Variants in TTL observed in about 807,000 individuals in gnomAD.
TTL encodes the protein tubulin--tyrosine ligase.
In TTL, 10 loss-of-function variants were observed where a neutral mutation model predicts 41.1. That is an observed-to-expected ratio of 0.24 (90% CI 0.15 to 0.41). The LOEUF is 0.41. TTL is among the 10% of genes least tolerant of loss of function. TTL has a pLI of 1.00. For synonymous variants in TTL, 175 were observed against 175.5 expected (o/e 1.00, Z 0.02); for missense variants, 367 against 460.4 (o/e 0.80, Z 1.86).
intron 5 of TTL, 97 bp downstream of exon 5, chr2:112,503,278 T>A: frequency 8.7e-7 from 1 of 1,152,616 alleles, no homozygotes; most frequent in Non-Finnish European, 1.2e-6. Flanking sequence ...GTTGTCTAAT[T>A]TATGGTCAAA....
intron 2 of TTL, among the ~76,000 whole-genome samples, chr2:112,491,818 A>G (rs1681397307): frequency 6.6e-6 from 1 of 152,116 alleles, no homozygotes; most frequent in Admixed American, 6.5e-5. Context: ...ACCATAGCCT[A>G]TTGCAGTCAC....
At chr2:112,518,791 C>T (rs2104471865) in intron 5 of TTL, among the ~76,000 whole-genome samples, 1 of 151,850 alleles carries the variant, frequency 6.6e-6, no homozygotes, top group East Asian at 1.9e-4. Context: ...TCTCCTGCCT[C>T]AGCGTCTGGA....
At position 112,540,861 on chromosome 2, in the gene TTL, G is replaced by C. The variant is rs1307346339; in HGVS notation, c.*12066G>C. 1 of 152,164 alleles carries C rather than the reference G, an allele frequency of 6.6e-6. No individual in the cohort carries two copies. The highest frequency in any genetic ancestry group is 2.4e-5 in the African/African-American group (1 of 41,416). 9.4% of individuals were successfully genotyped at this position (152,164 alleles called of 1,614,324 possible). Reference sequence around the variant, plus strand: ...GAATGAGTCAAAGACTTAAATGTAAGAGTTGAAACTACAAAACTCTTAGTA... The same window carrying C: ...GAATGAGTCAAAGACTTAAATGTAACAGTTGAAACTACAAAACTCTTAGTA... On this transcript the variant is annotated 3_prime_UTR_variant, in exon 7 of 7. Coordinates refer to ENST00000233336, the MANE Select transcript of TTL (RefSeq NM_153712.5).
chr2:112,539,040 C>G lies in TTL; in HGVS notation c.*10245C>G, dbSNP rs1312754683. The G allele has an allele frequency of 3.3e-5, 5 of 150,232 alleles. No homozygotes were observed. Among genetic ancestry groups the G allele is most frequent in the South Asian group, 4.2e-4 (2 of 4,792 alleles). 9.3% of individuals were successfully genotyped at this position (150,232 alleles called of 1,614,324 possible). ...GCTGAAGCAGGGGAATCACTTGAAC[C>G]TGGAAGGCGGAGGTTGCAGTGAGCC... On this transcript the variant is annotated 3_prime_UTR_variant, in exon 7 of 7. Coordinates refer to ENST00000233336, the MANE Select transcript of TTL (RefSeq NM_153712.5).
chr2:112,501,329 A>G lies in TTL; in HGVS notation c.593A>G (p.Lys198Arg), dbSNP rs1681690089. The G allele has an allele frequency of 6.3e-7, 1 of 1,589,930 alleles. No homozygotes were observed. The highest frequency in any genetic ancestry group is 1.1e-5 in the South Asian group (1 of 89,710). The change falls in exon 4 of 7, where the codon AAG (lysine) becomes AGG (arginine). Residue 198 changes from lysine to arginine, a missense_variant. By Grantham distance (26) the Lys-to-Arg change is conservative. Coordinates refer to ENST00000233336, the MANE Select transcript of TTL (RefSeq NM_153712.5). ...CTGCTGCTTGAGCCAGGTCATCGCAAGTTTGACATCCGGTAATGCATTCAT... is the reference window on the plus strand; with the variant it reads ...CTGCTGCTTGAGCCAGGTCATCGCAGGTTTGACATCCGGTAATGCATTCAT... Reference protein sequence around the residue: ...HPLLLEPGHRKFDIRSWVLVD... With the variant: ...HPLLLEPGHRRFDIRSWVLVD...
Position 112,535,418 on chromosome 2 carries a change from TC to T in TTL, c.*6626del, listed in dbSNP as rs1682581110. Reference sequence around the variant, plus strand: ...TGGAAGAAATAGTGGCCAAAACCTTTCCCACTTTGAGGAAAAACATTAAAGT... The same window carrying T: ...TGGAAGAAATAGTGGCCAAAACCTTTCCACTTTGAGGAAAAACATTAAAGT... On this transcript the variant is annotated 3_prime_UTR_variant, in exon 7 of 7. Transcript: ENST00000233336. 1.3e-5 allele frequency: 2 copies of T among 152,078 alleles called. No individual in the cohort carries two copies. Among genetic ancestry groups the T allele is most frequent in the Admixed American group, 1.3e-4 (2 of 15,264 alleles). The allele number at this position is 152,078 out of a possible 1,614,324, so 9.4% of individuals were successfully genotyped here. A position where few individuals can be genotyped will look rare whatever the true frequency, so the allele number is the denominator to read the frequency against.
At chr2:112,491,370 T>C (rs1336204419) in intron 2 of TTL, among the ~76,000 whole-genome samples, 1 of 152,178 alleles carries the variant, frequency 6.6e-6, no homozygotes, top group Non-Finnish European at 1.5e-5. Context: ...ACACCCAAAG[T>C]ATTAATTGGA....
chr2:112,528,202 C>T (rs1356493456), intron 6 of TTL, among the ~76,000 whole-genome samples: 1 of 152,180 alleles, frequency 6.6e-6, no homozygotes, highest in East Asian at 1.9e-4. Context: ...TGATAGGCTT[C>T]CCTTTGTGGG....
chr2:112,534,988 G>T lies in TTL; in HGVS notation c.*6193G>T. 1 of 149,452 alleles carries T rather than the reference G, an allele frequency of 6.7e-6. No homozygotes were observed. Among genetic ancestry groups the T allele is most frequent in the Non-Finnish European group, 1.5e-5 (1 of 67,392 alleles). 9.3% of individuals were successfully genotyped at this position (149,452 alleles called of 1,614,324 possible). On this transcript the variant is annotated 3_prime_UTR_variant, in exon 7 of 7. Transcript: ENST00000233336. The stretch of plus-strand genomic sequence containing the variant: ...GAGGAAGAAAGAGAAAGGAAAGAAA[G>T]GCAGGCAGAAAGAAGGAGAAAGGGA...
Position 112,531,687 on chromosome 2 carries a change from T to C in TTL, c.*2892T>C. ...GAAGAATTGCATAAGGCTTATGACT[T>C]AAAAAAAAAAATTCTTTTTGGAAAC... On this transcript the variant is annotated 3_prime_UTR_variant, in exon 7 of 7. Transcript: ENST00000233336. 1 of 207,570 alleles carries C rather than the reference T, an allele frequency of 4.8e-6. No individual in the cohort carries two copies. Among genetic ancestry groups the C allele is most frequent in the Non-Finnish European group, 9.7e-6 (1 of 102,980 alleles). 12.9% of individuals were successfully genotyped at this position (207,570 alleles called of 1,614,324 possible).
At chr2:112,487,881 TGA>T (rs1681283193) in intron 2 of TTL, among the ~76,000 whole-genome samples, 2 of 152,352 alleles carry the variant, frequency 1.3e-5, no homozygotes, top group African/African-American at 4.8e-5. Context: ...TTGTATGGCT[TGA>T]AAGGGCTCCA....
chr2:112,511,878 CTTAT>C (rs899512602), intron 5 of TTL, among the ~76,000 whole-genome samples: 1 of 151,610 alleles, frequency 6.6e-6, no homozygotes, highest in South Asian at 2.1e-4. Context: ...GCCAGTATTT[CTTAT>C]TTATTTATCT....
chr2:112,493,311 G>A (rs1202646617), intron 2 of TTL, among the ~76,000 whole-genome samples: 1 of 151,850 alleles, frequency 6.6e-6, no homozygotes, highest in Non-Finnish European at 1.5e-5. Flanking sequence ...AGTAAGAGCA[G>A]GTTTCCAGTT....
rs1044512680 is a variant in TTL, at chr2:112,482,899, G to A, written c.157+398G>A. Among the ~76,000 whole-genome samples, 2 of 152,310 alleles carry A rather than the reference G, an allele frequency of 1.3e-5. No homozygotes were observed. The highest frequency in any genetic ancestry group is 2.4e-5 in the African/African-American group (1 of 41,578). On this transcript the variant is annotated intron_variant, in intron 1 of 6. Transcript: ENST00000233336. The surrounding 1 kb of genome is among the most constrained non-coding windows in gnomAD (Gnocchi z 5.3). ...GAGCGGGCGGCTGGAGTCATCTTTT[G>A]CAGCTCGTCTGCACTGAGGATTTCT...
chr2:112,501,326 G>C lies in TTL; in HGVS notation c.590G>C (p.Arg197Pro). 6.2e-7 allele frequency: 1 copy of C among 1,601,388 alleles called. No individual in the cohort carries two copies. Among genetic ancestry groups the C allele is most frequent in the Non-Finnish European group, 8.5e-7 (1 of 1,171,988 alleles). ...CCTCTGCTGCTTGAGCCAGGTCATC[G>C]CAAGTTTGACATCCGGTAATGCATT... is the stretch of plus-strand genomic sequence containing the variant. ...EHPLLLEPGH[R>P]KFDIRSWVLV... is the part of the protein sequence containing the mutation. Residue 197 changes from arginine (R) to proline (P), a missense_variant, in exon 4 of 7, where the codon CGC becomes CCC. Physicochemically the swap from Arg to Pro is moderately radical, Grantham distance 103. Transcript: ENST00000233336.
At chr2:112,514,519 T>C (rs1358497700) in intron 5 of TTL, among the ~76,000 whole-genome samples, 1 of 152,234 alleles carries the variant, frequency 6.6e-6, no homozygotes, top group Non-Finnish European at 1.5e-5. Context: ...AGATAAGCAG[T>C]TAATTTCTTT....
chr2:112,493,123 T>C (rs985526641), intron 2 of TTL, among the ~76,000 whole-genome samples: 17 of 152,212 alleles, frequency 1.1e-4, no homozygotes, highest in Non-Finnish European at 2.1e-4. Context: ...AAATTTGTTT[T>C]TAATATCTAT....
intron 1 of TTL, among the ~76,000 whole-genome samples, chr2:112,484,465 G>T (rs147334321): frequency 7.9e-5 from 12 of 151,814 alleles, no homozygotes; most frequent in African/African-American, 2.4e-4. Context: ...AGGTTTTGCC[G>T]TGTTGGTCAG....
intron 6 of TTL, among the ~76,000 whole-genome samples, chr2:112,524,512 T>C (rs964695382): frequency 3.3e-5 from 5 of 152,228 alleles, no homozygotes; most frequent in African/African-American, 9.6e-5. Flanking sequence ...TGGTATCTCA[T>C]TGTGGTTTTG....
Sources: allele counts gnomAD v4.1 joint callset (sites outside exome capture counted in the v4.1 genomes callset), GRCh38; gene constraint gnomAD v4.1.1; non-coding constraint Gnocchi (gnomAD v3.1); transcripts MANE v1.5; gene names NCBI Gene and HGNC (gene_info 2026-07-23, HGNC 2026-07-21).